The following TSHZ2 variants were observed in gnomAD, a reference collection of about 807,000 sequenced individuals.
The protein encoded by TSHZ2 is teashirt zinc finger homeobox 2, also known as teashirt homolog 2.
A neutral mutation model predicts 74.4 loss-of-function variants in TSHZ2; 21 were observed. The observed-to-expected ratio is 0.28, with a 90% CI of 0.20 to 0.41. TSHZ2 has a LOEUF of 0.41. TSHZ2 is among the 10% of genes least tolerant of loss of function. TSHZ2 has a pLI of 1.00. For synonymous variants in TSHZ2, 540 were observed against 515.3 expected (o/e 1.05, Z -0.65); for missense variants, 1,244 against 1,293.5 (o/e 0.96, Z 0.59).
chr20:53,478,067 C>T lies in TSHZ2; in HGVS notation c.*9-9077C>T, dbSNP rs1013584041. On this transcript the variant is annotated intron_variant, in intron 2 of 2. Coordinates refer to ENST00000371497, the MANE Select transcript of TSHZ2 (RefSeq NM_173485.6). ...GAACACTTTTACACTGTTGGTGGGA[C>T]TGTAAACTAGTTCAACCATTGTGGA... Among the ~76,000 whole-genome samples, 5 of 141,590 alleles carry T rather than the reference C, an allele frequency of 3.5e-5. No homozygotes were observed. The South Asian group carries it at 1.2e-3, about 33-fold the overall frequency. 92.9% of individuals were successfully genotyped at this position (141,590 alleles called of 152,430 possible).
chr20:52,973,276 A>T lies in TSHZ2; in HGVS notation c.-18A>T. 1 of 1,552,432 alleles carries T rather than the reference A, an allele frequency of 6.4e-7. No homozygotes were observed. The highest frequency in any genetic ancestry group is 8.7e-7 in the Non-Finnish European group (1 of 1,147,198). On this transcript the variant is annotated 5_prime_UTR_variant, in exon 1 of 3. Coordinates refer to ENST00000371497, the MANE Select transcript of TSHZ2 (RefSeq NM_173485.6). The stretch of plus-strand genomic sequence containing the variant: ...TCGGGGCTGGGGCGCCAGAAGTGGG[A>T]CTGGAGCGAAGTAGAGGATGCCGAG...
At position 53,149,187 on chromosome 20, in the gene TSHZ2, T is replaced by G. The variant is rs145838421; in HGVS notation, c.41-104312T>G. ...TGGTCAGCTCTTTTAGGGTTTTTTT[T>G]TTTTTTTTAAAGTTGATTTCCTCTG... On this transcript the variant is annotated intron_variant, in intron 1 of 2. Transcript: ENST00000371497. 2.6e-5 allele frequency among the ~76,000 whole-genome samples: 4 copies of G among 152,246 alleles called. No homozygotes were observed. In the East Asian group the frequency reaches 7.7e-4, roughly 29 times the overall value.
intron 2 of TSHZ2, among the ~76,000 whole-genome samples, chr20:53,304,190 T>TC (rs1197366919): frequency 2.3e-4 from 13 of 57,632 alleles, no homozygotes; most frequent in Non-Finnish European, 4.1e-4. Flanking sequence ...CCCTCCCCCC[T>TC]CCCCCCACCC....
At chr20:52,998,909 T>C (rs185418077) in intron 1 of TSHZ2, among the ~76,000 whole-genome samples, 148 of 152,350 alleles carry the variant, frequency 9.7e-4, no homozygotes, top group African/African-American at 3.3e-3. Context: ...GTTTTCTGTT[T>C]ATTCAATTCC....
intron 2 of TSHZ2, among the ~76,000 whole-genome samples, chr20:53,294,291 G>A (rs966561210): frequency 6.6e-6 from 1 of 152,192 alleles, no homozygotes; most frequent in African/African-American, 2.4e-5. Context: ...TGTGGTAGAC[G>A]TTTGCTAAAT....
intron 1 of TSHZ2, among the ~76,000 whole-genome samples, chr20:53,068,577 A>T (rs1363921368): frequency 6.6e-6 from 1 of 152,130 alleles, no homozygotes; most frequent in Non-Finnish European, 1.5e-5. Context: ...CACTGACCAC[A>T]CTTGGCAATC....
intron 1 of TSHZ2, among the ~76,000 whole-genome samples, chr20:53,127,641 T>G (rs763569625): frequency 2.0e-5 from 3 of 152,206 alleles, no homozygotes; most frequent in Non-Finnish European, 4.4e-5. Context: ...GAAAGATCAG[T>G]GGAAACTGAT....
intron 1 of TSHZ2, among the ~76,000 whole-genome samples, chr20:53,051,357 C>T (rs1381702043): frequency 1.3e-5 from 2 of 151,764 alleles, no homozygotes; most frequent in African/African-American, 4.8e-5. Flanking sequence ...AGATATTGTA[C>T]CACTTGTATT....
rs115501277 is a variant in TSHZ2, at chr20:53,070,433, C to T, written c.40+97100C>T. Reference sequence around the variant, plus strand: ...GTTTTTCTACTCATTTATTTACCTGCGCTTTCGAAATTATCTGTGAAGCAA... The same window carrying T: ...GTTTTTCTACTCATTTATTTACCTGTGCTTTCGAAATTATCTGTGAAGCAA... On this transcript the variant is annotated intron_variant, in intron 1 of 2. Transcript: ENST00000371497. Among the ~76,000 whole-genome samples the T allele has an allele frequency of 3.6e-3, 548 of 152,248 alleles. 5 individuals carry two copies. Among genetic ancestry groups the T allele is most frequent in the African/African-American group, 0.013 (530 of 41,544 alleles).
At chr20:52,980,646 G>A (rs903441217) in intron 1 of TSHZ2, among the ~76,000 whole-genome samples, 6 of 152,136 alleles carry the variant, frequency 3.9e-5, no homozygotes, top group Non-Finnish European at 7.4e-5. Flanking sequence ...AAATAGTTAC[G>A]AAGGGCAGAA....
At chr20:53,473,351 T>A (rs1568934003) in intron 2 of TSHZ2, among the ~76,000 whole-genome samples, 1 of 143,014 alleles carries the variant, frequency 7.0e-6, no homozygotes, top group Non-Finnish European at 1.5e-5. Context: ...CCCTGACCCC[T>A]GACCCCCGAG....
chr20:53,121,653 A>G (rs1435673143), intron 1 of TSHZ2, among the ~76,000 whole-genome samples: 1 of 152,236 alleles, frequency 6.6e-6, no homozygotes, highest in African/African-American at 2.4e-5. Context: ...ATTGAGAGAC[A>G]GTTATTTTCT....
intron 2 of TSHZ2, among the ~76,000 whole-genome samples, chr20:53,323,564 T>C (rs964181886): frequency 2.9e-5 from 1 of 34,586 alleles, no homozygotes; most frequent in African/African-American, 1.6e-4. Context: ...CTTGGAGGGC[T>C]TTTTTTTTTT....
chr20:53,081,911 T>C (rs1985548751), intron 1 of TSHZ2, among the ~76,000 whole-genome samples: 1 of 151,462 alleles, frequency 6.6e-6, no homozygotes, highest in Non-Finnish European at 1.5e-5. Context: ...TTTTTTTTTT[T>C]CTGAGACAGA....
At chr20:53,181,168 GA>G (rs1270174807) in intron 1 of TSHZ2, among the ~76,000 whole-genome samples, 3 of 152,152 alleles carry the variant, frequency 2.0e-5, no homozygotes, top group Non-Finnish European at 4.4e-5. Flanking sequence ...GCTAGATAAA[GA>G]ATCTCTTCTC....
intron 1 of TSHZ2, among the ~76,000 whole-genome samples, chr20:53,093,722 G>A (rs1013050211): frequency 6.6e-5 from 10 of 152,106 alleles, no homozygotes; most frequent in Non-Finnish European, 1.2e-4. Context: ...ATCAAGAACC[G>A]TGCCTGTCTT....
At chr20:53,077,244 A>G (rs1189737943) in intron 1 of TSHZ2, among the ~76,000 whole-genome samples, 1 of 101,956 alleles carries the variant, frequency 9.8e-6, no homozygotes, top group East Asian at 3.0e-4. Context: ...GAAACCCTGT[A>G]TCTACTAAAA....
At chr20:53,274,803 TTCTCTA>T (rs987694121) in intron 2 of TSHZ2, among the ~76,000 whole-genome samples, 1 of 152,108 alleles carries the variant, frequency 6.6e-6, no homozygotes, top group African/African-American at 2.4e-5. Flanking sequence ...TTGCCTCTTT[TTCTCTA>T]TCTCTATCAC....
chr20:53,372,564 A>G (rs1220672092), intron 2 of TSHZ2, among the ~76,000 whole-genome samples: 1 of 152,110 alleles, frequency 6.6e-6, no homozygotes, highest in Non-Finnish European at 1.5e-5. Flanking sequence ...TATTCACCCA[A>G]TACCAGTTCT....
Sources: allele counts gnomAD v4.1 joint callset (sites outside exome capture counted in the v4.1 genomes callset), GRCh38; gene constraint gnomAD v4.1.1; transcripts MANE v1.5; gene names NCBI Gene and HGNC (gene_info 2026-07-23, HGNC 2026-07-21).